IL21R: variants seen among roughly 807,000 people sequenced by gnomAD.
The protein encoded by IL21R is interleukin-21 receptor.
A neutral mutation model predicts 41.3 loss-of-function variants in IL21R; 14 were observed. The ratio of observed to expected loss-of-function variants is 0.34; its 90% CI spans 0.22 to 0.53. The LOEUF (loss-of-function observed/expected upper bound fraction) is 0.53, where lower values mean the gene tolerates loss of function less well. IL21R is among the 20% of genes least tolerant of loss of function. IL21R has a pLI of 0.94. For synonymous variants in IL21R, 286 were observed against 287.6 expected, an observed-to-expected ratio of 0.99 and a Z score of 0.05; for missense variants, 588 against 681.6, an observed-to-expected ratio of 0.86 and a Z score of 1.53.
intron 1 of IL21R, among the ~76,000 whole-genome samples, chr16:27,418,581 A>C (rs1466842564): frequency 6.6e-6 from 1 of 152,050 alleles, no homozygotes; most frequent in Non-Finnish European, 1.5e-5. Context: ...CATGTTAGCC[A>C]GGATAGTCTT....
chr16:27,432,813 T>C (rs2087197649), intron 2 of IL21R, among the ~76,000 whole-genome samples: 2 of 152,162 alleles, frequency 1.3e-5, no homozygotes, highest in African/African-American at 2.4e-5. Flanking sequence ...AGCCACTGCC[T>C]CGAGAGAAGT....
At chr16:27,425,487 G>A (rs960246296) in intron 1 of IL21R, among the ~76,000 whole-genome samples, 2 of 152,186 alleles carry the variant, frequency 1.3e-5, no homozygotes, top group African/African-American at 2.4e-5. Context: ...CCTGCTGATG[G>A]AGGAGGCAAG....
At chr16:27,402,941 C>T (rs942631618) in intron 1 of IL21R, 6 of 363,190 alleles carry the variant, frequency 1.7e-5, no homozygotes, top group Admixed American at 7.9e-5. Context: ...GTCAATCACC[C>T]GATTCTGGGC....
At chr16:27,440,430 T>A (rs1285997201) in intron 4 of IL21R, among the ~76,000 whole-genome samples, 1 of 151,784 alleles carries the variant, frequency 6.6e-6, no homozygotes, top group African/African-American at 2.4e-5. Context: ...CACATCACCA[T>A]CCTGGCTAAT....
At chr16:27,440,278 GAGCGAGCA>G (rs1380157753) in intron 4 of IL21R, among the ~76,000 whole-genome samples, 1 of 130,332 alleles carries the variant, frequency 7.7e-6, no homozygotes, top group South Asian at 2.2e-4. Flanking sequence ...GAGAGAGAGA[GAGCGAGCA>G]AGCGCGCGCC....
chr16:27,422,346 T>A (rs1372836136), intron 1 of IL21R, among the ~76,000 whole-genome samples: 1 of 152,156 alleles, frequency 6.6e-6, no homozygotes, highest in Non-Finnish European at 1.5e-5. Flanking sequence ...GGAAAAAAAT[T>A]TTAAGATCAC....
At chr16:27,404,043 T>C (rs1001227126) in intron 1 of IL21R, among the ~76,000 whole-genome samples, 1 of 152,046 alleles carries the variant, frequency 6.6e-6, no homozygotes, top group Non-Finnish European at 1.5e-5. Flanking sequence ...TAGAATAACA[T>C]GAAAACAAGA....
chr16:27,403,893 G>A (rs56078039), intron 1 of IL21R, among the ~76,000 whole-genome samples: 52,726 of 152,056 alleles, frequency 0.35, 9,737 homozygotes, highest in East Asian at 0.61. Context: ...CAGGTGAAGC[G>A]GGCAGCCTCA....
intron 2 of IL21R, among the ~76,000 whole-genome samples, chr16:27,431,753 C>A (rs895558339): frequency 2.6e-5 from 4 of 151,998 alleles, no homozygotes; most frequent in African/African-American, 7.2e-5. Context: ...CAGGTTCAAG[C>A]AATTCTCATG....
chr16:27,403,248 A>G (rs904003898), intron 1 of IL21R: 77 of 1,327,078 alleles, frequency 5.8e-5, no homozygotes, highest in Non-Finnish European at 7.2e-5. Context: ...TTCCCTGTGC[A>G]TGTGGAGGAG....
At position 27,437,233 on chromosome 16, in the gene IL21R, A is replaced by G. The variant is rs1193210048; in HGVS notation, c.153-255A>G. 1.1e-4 allele frequency among the ~76,000 whole-genome samples: 16 copies of G among 152,208 alleles called. 1 individual carries two copies. The highest frequency in any genetic ancestry group is 9.8e-4 in the Admixed American group (15 of 15,286). On this transcript the variant is annotated intron_variant, in intron 3 of 8. Coordinates refer to ENST00000337929, the MANE Select transcript of IL21R (RefSeq NM_181078.3). ...TTCCAAAATTGAGAGCTGCTGCCCT[A>G]AATGAGGTAGTGAGTTCCTGGCCCC...
intron 1 of IL21R, among the ~76,000 whole-genome samples, chr16:27,416,673 T>G (rs927086137): frequency 2.0e-5 from 3 of 152,248 alleles, no homozygotes. Context: ...AAATGTACTC[T>G]TAAGATGTGC....
chr16:27,416,701 C>T (rs954013077), intron 1 of IL21R, among the ~76,000 whole-genome samples: 1 of 152,172 alleles, frequency 6.6e-6, no homozygotes, highest in African/African-American at 2.4e-5. Flanking sequence ...CAAAGTTGTG[C>T]AGTCATCACC....
At chr16:27,423,902 C>A (rs1329746006) in intron 1 of IL21R, among the ~76,000 whole-genome samples, 1 of 152,146 alleles carries the variant, frequency 6.6e-6, no homozygotes, top group African/African-American at 2.4e-5. Flanking sequence ...TTAGGTCATG[C>A]CAAACTTTTT....
intron 4 of IL21R, 135 bp downstream of exon 4, chr16:27,437,822 C>A (rs2087300994): frequency 1.5e-6 from 1 of 681,328 alleles, no homozygotes; most frequent in Non-Finnish European, 2.6e-6. Context: ...ACCACTACAC[C>A]CAGCTAATTT....
At chr16:27,417,838 T>G (rs2086913458) in intron 1 of IL21R, among the ~76,000 whole-genome samples, 1 of 152,266 alleles carries the variant, frequency 6.6e-6, no homozygotes, top group African/African-American at 2.4e-5. Context: ...TTTGCAGGAT[T>G]CGAAGTTGCT....
chr16:27,447,661 C>T (rs1224619031), intron 8 of IL21R: 2 of 152,250 alleles, frequency 1.3e-5, no homozygotes, highest in Non-Finnish European at 2.9e-5. Context: ...ATCCACTCCA[C>T]CCATTCATTT....
Position 27,418,011 on chromosome 16 carries a change from A to ATTTATTTTATTTTATTTTAT in IL21R, c.-16-12007_-16-11988dup, listed in dbSNP as rs1171442663. On this transcript the variant is annotated intron_variant, in intron 1 of 8. Coordinates refer to ENST00000337929, the MANE Select transcript of IL21R (RefSeq NM_181078.3). Reference sequence around the variant, plus strand: ...CTTACTGTAACATTTTTCCTATTTTATTTATTTTATTTTATTTTATTTTAT... The same window carrying ATTTATTTTATTTTATTTTAT: ...CTTACTGTAACATTTTTCCTATTTTATTTATTTTATTTTATTTTATTTTATTTTATTTTATTTTATTTTAT... 7.5e-3 allele frequency among the ~76,000 whole-genome samples: 737 copies of ATTTATTTTATTTTATTTTAT among 97,922 alleles called. 2 individuals are homozygous for ATTTATTTTATTTTATTTTAT. Among genetic ancestry groups the ATTTATTTTATTTTATTTTAT allele is most frequent in the African/African-American group, 0.021 (674 of 32,742 alleles). The allele number at this position is 97,922 out of a possible 152,430, so 64.2% of individuals were successfully genotyped here. A position where few individuals can be genotyped will look rare whatever the true frequency, so the allele number is the denominator to read the frequency against.
chr16:27,449,726 A>T lies in IL21R; in HGVS notation c.*443A>T, dbSNP rs1485764619. 7 of 243,702 alleles carry T rather than the reference A, an allele frequency of 2.9e-5. No homozygotes were observed. In the East Asian group the frequency reaches 4.1e-4, roughly 14 times the overall value. The allele number at this position is 243,702 out of a possible 1,614,324, so 15.1% of individuals were successfully genotyped here. A position where few individuals can be genotyped will look rare whatever the true frequency, so the allele number is the denominator to read the frequency against. Reference sequence around the variant, plus strand: ...CTCCGGGGCTTTGTGGGATCAGGGCATTGCCTGTGACTGAGGCGGAGCCCA... The same window carrying T: ...CTCCGGGGCTTTGTGGGATCAGGGCTTTGCCTGTGACTGAGGCGGAGCCCA... On this transcript the variant is annotated 3_prime_UTR_variant, in exon 9 of 9. Coordinates refer to ENST00000337929, the MANE Select transcript of IL21R (RefSeq NM_181078.3).
Sources: gnomAD v4.1 joint callset for allele counts (sites outside exome capture counted in the v4.1 genomes callset) on GRCh38, gnomAD v4.1.1 for gene constraint, MANE v1.5 for transcripts, NCBI Gene and HGNC (gene_info 2026-07-23, HGNC 2026-07-21) for gene names.